Variants in MFSD2B observed in about 807,000 individuals in gnomAD.
MFSD2B encodes the protein MFSD2 lysolipid transporter B, sphingolipid, also known as sphingosine-1-phosphate transporter MFSD2B.
Under a neutral mutation model 58.4 loss-of-function variants are expected in MFSD2B, and 56 were observed. The observed-to-expected ratio is 0.96, with a 90% CI of 0.77 to 1.20. The LOEUF (loss-of-function observed/expected upper bound fraction) is 1.20. Ranked by LOEUF, MFSD2B falls within the 50% of genes most tolerant of loss-of-function variation. The pLI, the probability that MFSD2B is intolerant of heterozygous loss-of-function variation, is 0.00. For missense variants in MFSD2B, 645 were observed against 667.6 expected, an observed-to-expected ratio of 0.97 and a Z score of 0.37; for synonymous variants, 287 against 294.4, an observed-to-expected ratio of 0.97 and a Z score of 0.26.
chr2:24,025,724 C>T lies in MFSD2B; in HGVS notation c.*268C>T, dbSNP rs1662958164. 1 of 439,536 alleles carries T rather than the reference C, an allele frequency of 2.3e-6. No homozygotes were observed. The highest frequency in any genetic ancestry group is 2.0e-5 in the African/African-American group (1 of 50,872). The allele number at this position is 439,536 out of a possible 1,614,324, so 27.2% of individuals were successfully genotyped here. A position where few individuals can be genotyped will look rare whatever the true frequency, so the allele number is the denominator to read the frequency against. ...CACTTGTCTCTAGAAAAAGGAAGCT[C>T]CTGCCCAACCTGGCTTGTGGACCAG... On this transcript the variant is annotated 3_prime_UTR_variant, in exon 14 of 14. Transcript: ENST00000338315.
At position 24,016,253 on chromosome 2, in the gene MFSD2B, G is replaced by A; in HGVS notation, c.320G>A (p.Arg107Lys). 6.2e-7 allele frequency: 1 copy of A among 1,614,024 alleles called. No individual in the cohort carries two copies. Among genetic ancestry groups the A allele is most frequent in the South Asian group, 1.1e-5 (1 of 91,080 alleles). The change falls in exon 3 of 14, where the codon AGG becomes AAG. Residue 107 changes from arginine (R) to lysine (K), a missense_variant. Transcript: ENST00000338315. ...VAGFFINRSQ[R>K]TGSGRLMPWV... Reference sequence around the variant, plus strand: ...GGGTTCTTCATCAACAGGAGCCAGAGGACAGGGTCTGGACGGCTCATGCCT... The same window carrying A: ...GGGTTCTTCATCAACAGGAGCCAGAAGACAGGGTCTGGACGGCTCATGCCT...
In MFSD2B at chr2:24,012,277, G is replaced by T. The variant is rs77959151; in HGVS notation, c.97-1008G>T. The stretch of plus-strand genomic sequence containing the variant: ...TATTTATTTATTTATTTATGACTGA[G>T]TCTCTGTCACCCAGGCTGGAGTGCA... On this transcript the variant is annotated intron_variant, in intron 1 of 13. Transcript: ENST00000338315. This position sits in a 1 kb window ranked among gnomAD's most constrained non-coding sequence, Gnocchi z 4.5. Among the ~76,000 whole-genome samples the T allele has an allele frequency of 0.088, 13,359 of 151,990 alleles. 755 individuals are homozygous for T. The highest frequency in any genetic ancestry group is 0.13 in the South Asian group (612 of 4,810).
At chr2:24,015,091 C>T (rs982860515) in intron 2 of MFSD2B, among the ~76,000 whole-genome samples, 1 of 151,930 alleles carries the variant, frequency 6.6e-6, no homozygotes, top group African/African-American at 2.4e-5. Context: ...CACATTCCAG[C>T]CTGGGCGACA....
intron 2 of MFSD2B, among the ~76,000 whole-genome samples, chr2:24,013,652 G>A (rs1158664270): frequency 6.6e-6 from 1 of 152,070 alleles, no homozygotes; most frequent in Non-Finnish European, 1.5e-5. Context: ...TAAGTAAGCT[G>A]TATCATAGCC....
chr2:24,018,910 G>A (rs1215200441), intron 6 of MFSD2B, among the ~76,000 whole-genome samples: 1 of 151,188 alleles, frequency 6.6e-6, no homozygotes, highest in African/African-American at 2.4e-5. Flanking sequence ...GAGTGCAGGG[G>A]CGCAATCTCG....
At position 24,020,487 on chromosome 2, in the gene MFSD2B, G is replaced by A. The variant is rs1662734154; in HGVS notation, c.682-1161G>A. ...AGGCAGCCTCTGTCCCGAACTGGCT[G>A]TGACTCTCGTGCATGTCTTTATAGG... On this transcript the variant is annotated intron_variant, in intron 6 of 13. Transcript: ENST00000338315. The surrounding 1 kb of genome is among the most constrained non-coding windows in gnomAD (Gnocchi z 4.1). Among the ~76,000 whole-genome samples the A allele has an allele frequency of 6.6e-6, 1 of 152,022 alleles. No homozygotes were observed.
Position 24,021,885 on chromosome 2 carries a change from TC to T in MFSD2B, c.811del (p.Leu271TrpfsTer4). On this transcript the variant is annotated frameshift_variant, in exon 8 of 14. Transcript: ENST00000338315. LOFTEE classifies it high-confidence loss of function. This position sits in a 1 kb window ranked among gnomAD's most constrained non-coding sequence, Gnocchi z 5.7. ...CCAGCCTCAGGCCCAGGCTTGAGTT[TC>T]CTGGCTGGGCTGAGCCTCACTACCC... ...SAPASGPGLSFLAGLSLTTRH... is the reference protein window; with the variant it reads ...SAPASGPGLSXLAGLSLTTRH... 1 of 1,614,008 alleles carries T rather than the reference TC, an allele frequency of 6.2e-7. No individual in the cohort carries two copies. The highest frequency in any genetic ancestry group is 8.5e-7 in the Non-Finnish European group (1 of 1,179,890).
chr2:24,016,319 T>TGGC, intron 3 of MFSD2B, 39 bp downstream of exon 3: 2 of 1,593,964 alleles, frequency 1.3e-6, no homozygotes, highest in Non-Finnish European at 1.7e-6. Context: ...AGGCACCTGG[T>TGGC]CCTGGCCCTG....
rs1220940298 is a variant in MFSD2B, at chr2:24,026,685, T to TG, written c.*1230dup. 1 of 152,234 alleles carries TG rather than the reference T, an allele frequency of 6.6e-6. No individual in the cohort carries two copies. Among genetic ancestry groups the TG allele is most frequent in the African/African-American group, 2.4e-5 (1 of 41,474 alleles). The allele number at this position is 152,234 out of a possible 1,614,324, so 9.4% of individuals were successfully genotyped here. A position where few individuals can be genotyped will look rare whatever the true frequency, so the allele number is the denominator to read the frequency against. ...CCCACTCCACGGGGACAGAAACTCT[T>TG]GTGTAGGGGACCCTTTTAGATTTCA... On this transcript the variant is annotated 3_prime_UTR_variant, in exon 14 of 14. Coordinates refer to ENST00000338315, the MANE Select transcript of MFSD2B (RefSeq NM_001346880.2).
chr2:24,016,071 C>T lies in MFSD2B; in HGVS notation c.223-85C>T. The T allele has an allele frequency of 4.5e-6, 7 of 1,554,148 alleles. No homozygotes were observed. The South Asian group carries it at 5.6e-5, about 12-fold the overall frequency. On this transcript the variant is annotated intron_variant, in intron 2 of 13. Coordinates refer to ENST00000338315, the MANE Select transcript of MFSD2B (RefSeq NM_001346880.2). ...TGCCCTCCGGTCCCGGTTCCCAGGCCTCCCTCTTGATGGCAAGCAGGCCTG... is the reference window on the plus strand; with the variant it reads ...TGCCCTCCGGTCCCGGTTCCCAGGCTTCCCTCTTGATGGCAAGCAGGCCTG...
intron 6 of MFSD2B, among the ~76,000 whole-genome samples, chr2:24,019,539 AT>A (rs1662678804): frequency 6.6e-6 from 1 of 152,140 alleles, no homozygotes; most frequent in Admixed American, 6.5e-5. Context: ...CCTGGCCAAC[AT>A]GGTGAAACCC....
rs1558321416 is a variant in MFSD2B, at chr2:24,016,187, T to G, written c.254T>G (p.Phe85Cys). ...GCCGCCCAGGTGTCACTTGTTCTGTTTGGGGGAAAAGTGTCTGGGGCGGCT... is the reference window on the plus strand; with the variant it reads ...GCCGCCCAGGTGTCACTTGTTCTGTGTGGGGGAAAAGTGTCTGGGGCGGCT... Reference protein sequence around the residue: ...IPAAQVSLVLFGGKVSGAAAD... With the variant: ...IPAAQVSLVLCGGKVSGAAAD... Residue 85 changes from phenylalanine to cysteine, a missense_variant, in exon 3 of 14, where the codon TTT becomes TGT. By Grantham distance (205) the Phe-to-Cys change is radical. Coordinates refer to ENST00000338315, the MANE Select transcript of MFSD2B (RefSeq NM_001346880.2). The G allele has an allele frequency of 1.2e-6, 2 of 1,613,816 alleles. No homozygotes were observed. Among genetic ancestry groups the G allele is most frequent in the Non-Finnish European group, 1.7e-6 (2 of 1,179,848 alleles).
At chr2:24,018,718 A>G (rs1662630452) in intron 6 of MFSD2B, 1 of 132,682 alleles carries the variant, frequency 7.5e-6, no homozygotes, top group Non-Finnish European at 1.6e-5. Context: ...CCTTTTCTGG[A>G]AAAAAAAAAA....
chr2:24,024,804 G>A lies in MFSD2B; in HGVS notation c.1490+533G>A, dbSNP rs1264542788. Among the ~76,000 whole-genome samples the A allele has an allele frequency of 6.6e-6, 1 of 152,040 alleles. No homozygotes were observed. Among genetic ancestry groups the A allele is most frequent in the African/African-American group, 2.4e-5 (1 of 41,388 alleles). On this transcript the variant is annotated intron_variant, in intron 13 of 13. Transcript: ENST00000338315. The surrounding 1 kb of genome is among the most constrained non-coding windows in gnomAD (Gnocchi z 4.3). ...TCGTTCCCTCTGGGTGGAAGCCTAGGAGTCTTCTGCTCTTCCCTCCCACGG... is the reference window on the plus strand; with the variant it reads ...TCGTTCCCTCTGGGTGGAAGCCTAGAAGTCTTCTGCTCTTCCCTCCCACGG...
In MFSD2B at chr2:24,022,928, G is replaced by A. The variant is rs778081420; in HGVS notation, c.1059+26G>A. The A allele has an allele frequency of 1.3e-6, 2 of 1,591,896 alleles. No individual in the cohort carries two copies. The highest frequency in any genetic ancestry group is 1.7e-6 in the Non-Finnish European group (2 of 1,168,256). ...GTGAGTGAGGCGGGAATCAAGGATT[G>A]GGGGTGGCCGGAGGGGAGAGGTGAG... On this transcript the variant is annotated intron_variant, in intron 10 of 13. Coordinates refer to ENST00000338315, the MANE Select transcript of MFSD2B (RefSeq NM_001346880.2). The surrounding 1 kb of genome is among the most constrained non-coding windows in gnomAD (Gnocchi z 4.5).
chr2:24,011,005 A>T (rs1419574578), intron 1 of MFSD2B, among the ~76,000 whole-genome samples: 1 of 152,204 alleles, frequency 6.6e-6, no homozygotes, highest in African/African-American at 2.4e-5. Context: ...TAACAGCAAG[A>T]GGGAAACACT....
rs372477167 is a variant in MFSD2B, at chr2:24,023,598, C to T, written c.1185C>T (p.Asp395=). 83 of 1,613,764 alleles carry T rather than the reference C, an allele frequency of 5.1e-5. No homozygotes were observed. Among genetic ancestry groups the T allele is most frequent in the East Asian group, 3.6e-4 (16 of 44,898 alleles). ...CCCGCCGCAGGTCCATGCTGCCAGA[C>T]GTGGTGGATGACTTTCAGCTGCAGC... The part of the protein sequence containing the change: ...SLLLPWSMLP[D]VVDDFQLQHR... The change falls in exon 12 of 14, where the codon GAC becomes GAT. Residue 395 remains aspartate (D), a synonymous_variant. Transcript: ENST00000338315. This position sits in a 1 kb window ranked among gnomAD's most constrained non-coding sequence, Gnocchi z 5.0.
chr2:24,015,093 T>G (rs1709090743), intron 2 of MFSD2B, among the ~76,000 whole-genome samples: 1 of 151,876 alleles, frequency 6.6e-6, no homozygotes, highest in Non-Finnish European at 1.5e-5. Flanking sequence ...CATTCCAGCC[T>G]GGGCGACAGA....
intron 6 of MFSD2B, among the ~76,000 whole-genome samples, chr2:24,018,038 C>T (rs908769936): frequency 6.6e-6 from 1 of 152,118 alleles, no homozygotes; most frequent in Non-Finnish European, 1.5e-5. Flanking sequence ...GGGGGAAGCC[C>T]CCTTCCTTCC....
Sources: allele counts gnomAD v4.1 joint callset (sites outside exome capture counted in the v4.1 genomes callset), GRCh38; gene constraint gnomAD v4.1.1; non-coding constraint Gnocchi (gnomAD v3.1); transcripts MANE v1.5; gene names NCBI Gene and HGNC (gene_info 2026-07-23, HGNC 2026-07-21).